KCNK13: variants seen among roughly 807,000 people sequenced by gnomAD.
The protein encoded by KCNK13 is potassium two pore domain channel subfamily K member 13.
A neutral mutation model predicts 23.4 loss-of-function variants in KCNK13; 12 were observed. The ratio of observed to expected loss-of-function variants is 0.51; its 90% CI spans 0.33 to 0.83. The LOEUF is 0.83. Among genes scored for constraint, KCNK13 ranks in the 40% least tolerant of loss-of-function variants. The pLI is 0.02. For missense variants in KCNK13, 463 were observed against 556.3 expected, an observed-to-expected ratio of 0.83 and a Z score of 1.69; for synonymous variants, 231 against 229.5, an observed-to-expected ratio of 1.01 and a Z score of -0.06.
chr14:90,153,974 C>T (rs1890165240), intron 1 of KCNK13, among the ~76,000 whole-genome samples: 1 of 152,156 alleles, frequency 6.6e-6, no homozygotes, highest in Non-Finnish European at 1.5e-5. Flanking sequence ...ATGGATCTTG[C>T]CCCCTGATGT....
At chr14:90,128,185 T>G (rs1377221124) in intron 1 of KCNK13, among the ~76,000 whole-genome samples, 2 of 152,208 alleles carry the variant, frequency 1.3e-5, no homozygotes, top group Non-Finnish European at 2.9e-5. Context: ...TGCAAACATT[T>G]AAGTACTTTG....
chr14:90,123,290 G>T (rs1889760045), intron 1 of KCNK13, among the ~76,000 whole-genome samples: 2 of 152,144 alleles, frequency 1.3e-5, no homozygotes, highest in Non-Finnish European at 2.9e-5. Flanking sequence ...TTGAGATCAA[G>T]GTATCAGCAG....
At position 90,062,098 on chromosome 14, in the gene KCNK13, C is replaced by T. The variant is rs868497156; in HGVS notation, c.-108C>T. ...GGTCATGGGCGAGCCGGCGGTGGGG[C>T]GCCCGGGAGCTGGCTGAGCGCCGGG... is the stretch of plus-strand genomic sequence containing the variant. On this transcript the variant is annotated 5_prime_UTR_variant, in exon 1 of 2. Transcript: ENST00000282146. The surrounding 1 kb of genome is among the most constrained non-coding windows in gnomAD (Gnocchi z 4.5). The T allele has an allele frequency of 4.2e-6, 3 of 717,718 alleles. No individual in the cohort carries two copies. Among genetic ancestry groups the T allele is most frequent in the African/African-American group, 3.7e-5 (2 of 53,804 alleles). 44.5% of individuals were successfully genotyped at this position (717,718 alleles called of 1,614,324 possible).
intron 1 of KCNK13, among the ~76,000 whole-genome samples, chr14:90,117,491 G>A (rs943377289): frequency 6.6e-6 from 1 of 152,084 alleles, no homozygotes; most frequent in Non-Finnish European, 1.5e-5. Context: ...TCGGGAGACC[G>A]AGGCAAGAGA....
At chr14:90,130,478 G>T (rs979582209) in intron 1 of KCNK13, among the ~76,000 whole-genome samples, 8 of 151,864 alleles carry the variant, frequency 5.3e-5, no homozygotes, top group Non-Finnish European at 1.0e-4. Context: ...GGGATTACAG[G>T]CATGAACCAC....
rs1172316506 is a variant in KCNK13 at position 90,185,507 on chromosome 14, G to A, written c.*504G>A. ...CTTCCTTCAAAGCATACCTGCCAAT[G>A]GTGTCTGCATAGGGAAAATGTCTGT... On this transcript the variant is annotated 3_prime_UTR_variant, in exon 2 of 2. Transcript: ENST00000282146. 1 of 153,650 alleles carries A rather than the reference G, an allele frequency of 6.5e-6. No homozygotes were observed. Among genetic ancestry groups the A allele is most frequent in the African/African-American group, 2.4e-5 (1 of 41,458 alleles). The allele number at this position is 153,650 out of a possible 1,614,324, so 9.5% of individuals were successfully genotyped here.
chr14:90,153,590 A>G (rs1890160547), intron 1 of KCNK13, among the ~76,000 whole-genome samples: 1 of 152,188 alleles, frequency 6.6e-6, no homozygotes, highest in Non-Finnish European at 1.5e-5. Flanking sequence ...CTTTTTTGTC[A>G]TGATCTAAGC....
At chr14:90,157,454 G>A (rs1279218924) in intron 1 of KCNK13, among the ~76,000 whole-genome samples, 1 of 152,128 alleles carries the variant, frequency 6.6e-6, no homozygotes, top group African/African-American at 2.4e-5. Context: ...GGAGTGCAGT[G>A]GTGCAGTCAT....
chr14:90,152,015 G>C (rs1394922993), intron 1 of KCNK13, among the ~76,000 whole-genome samples: 1 of 151,990 alleles, frequency 6.6e-6, no homozygotes, highest in Non-Finnish European at 1.5e-5. Context: ...TATTGTTTTG[G>C]TTACAGTAGC....
rs200233989 is a variant in KCNK13, at chr14:90,071,080, A to G, written c.334+8541A>G. Reference sequence around the variant, plus strand: ...ATATATGCTCATCTTAGCCCATTGCATTAGAAATTCTTGTTTATATTATAA... The same window carrying G: ...ATATATGCTCATCTTAGCCCATTGCGTTAGAAATTCTTGTTTATATTATAA... On this transcript the variant is annotated intron_variant, in intron 1 of 1. Transcript: ENST00000282146. Among the ~76,000 whole-genome samples the G allele has an allele frequency of 6.4e-4, 98 of 152,294 alleles. 2 individuals are homozygous for G. In the East Asian group the frequency reaches 0.01, roughly 16 times the overall value.
intron 1 of KCNK13, among the ~76,000 whole-genome samples, chr14:90,150,763 G>A (rs1210576229): frequency 3.3e-5 from 5 of 152,186 alleles, no homozygotes; most frequent in African/African-American, 1.2e-4. Context: ...GAGGTGATTG[G>A]ATCATGGGGG....
chr14:90,142,281 A>G (rs1254207865), intron 1 of KCNK13, among the ~76,000 whole-genome samples: 2 of 149,566 alleles, frequency 1.3e-5, no homozygotes, highest in African/African-American at 4.9e-5. Flanking sequence ...ACATGCATCA[A>G]TAATGTGTTT....
chr14:90,068,147 C>T (rs1273953829), intron 1 of KCNK13, among the ~76,000 whole-genome samples: 1 of 152,112 alleles, frequency 6.6e-6, no homozygotes, highest in Admixed American at 6.6e-5. Flanking sequence ...TAAATGGCCA[C>T]CACCACCTGC....
At chr14:90,066,846 C>G (rs1889015405) in intron 1 of KCNK13, among the ~76,000 whole-genome samples, 2 of 152,094 alleles carry the variant, frequency 1.3e-5, no homozygotes, top group African/African-American at 4.8e-5. Context: ...GGGATTCAAA[C>G]AGATATTTGT....
intron 1 of KCNK13, among the ~76,000 whole-genome samples, chr14:90,178,652 C>CA (rs1890451617): frequency 6.6e-6 from 1 of 151,770 alleles, no homozygotes; most frequent in Non-Finnish European, 1.5e-5. Flanking sequence ...CTACTCTGTA[C>CA]CCATAAAAAT....
At chr14:90,168,128 C>A (rs535108597) in intron 1 of KCNK13, among the ~76,000 whole-genome samples, 2 of 152,100 alleles carry the variant, frequency 1.3e-5, no homozygotes, top group Non-Finnish European at 2.9e-5. Context: ...AATCCCAGCA[C>A]TTTGGGAGGC....
At chr14:90,163,161 C>T (rs954755274) in intron 1 of KCNK13, among the ~76,000 whole-genome samples, 1 of 152,114 alleles carries the variant, frequency 6.6e-6, no homozygotes, top group Non-Finnish European at 1.5e-5. Context: ...AGATGCTTTA[C>T]TAATGTTTGT....
chr14:90,107,409 C>T (rs1437961406), intron 1 of KCNK13, among the ~76,000 whole-genome samples: 1 of 152,086 alleles, frequency 6.6e-6, no homozygotes, highest in African/African-American at 2.4e-5. Flanking sequence ...ACCTGGGAGG[C>T]AGAACTTACG....
At chr14:90,115,777 C>CTA (rs1889670036) in intron 1 of KCNK13, among the ~76,000 whole-genome samples, 2 of 152,212 alleles carry the variant, frequency 1.3e-5, no homozygotes, top group South Asian at 4.1e-4. Context: ...ACCTGGGGAG[C>CTA]TATAATGTGT....
Sources: allele counts gnomAD v4.1 joint callset (sites outside exome capture counted in the v4.1 genomes callset), GRCh38; gene constraint gnomAD v4.1.1; non-coding constraint Gnocchi (gnomAD v3.1); transcripts MANE v1.5; gene names NCBI Gene and HGNC (gene_info 2026-07-23, HGNC 2026-07-21).